Variants in XYLB observed in about 807,000 individuals in gnomAD.
XYLB encodes the protein xylulokinase, also known as xylulose kinase.
In XYLB, 62 loss-of-function variants were observed where a neutral mutation model predicts 78.7. The ratio of observed to expected loss-of-function variants is 0.79; its 90% CI spans 0.64 to 0.97. XYLB has a LOEUF of 0.97. XYLB is among the 50% of genes least tolerant of loss of function. The probability of loss-of-function intolerance (pLI) is 0.00; values close to 1 mark genes in which losing one functional copy is unlikely to be tolerated. For missense variants in XYLB, 687 were observed against 676.8 expected (o/e 1.02, Z -0.17); for synonymous variants, 245 against 247.4 (o/e 0.99, Z 0.09).
chr3:38,447,470 A>ATTTTTTTTTTTTTTT, the XYLB span, among the ~76,000 whole-genome samples: 3 of 124,948 alleles, frequency 2.4e-5, no homozygotes, highest in African/African-American at 3.5e-5. Context: ...CATCTGGCTA[A>ATTTTTTTTTTTTTTT]TTTTTTTTTT....
At chr3:38,358,934 C>T (rs1337538024) in intron 2 of XYLB, among the ~76,000 whole-genome samples, 1 of 152,078 alleles carries the variant, frequency 6.6e-6, no homozygotes, top group Admixed American at 6.5e-5. Context: ...GTTTATATCA[C>T]CCCCCAAAAG....
Position 38,372,720 on chromosome 3 carries a change from C to T in XYLB, c.831C>T (p.Phe277=), listed in dbSNP as rs745342955. Residue 277 remains phenylalanine, a synonymous_variant, in exon 10 of 19, where the codon TTC becomes TTT. Transcript: ENST00000207870. The part of the protein sequence containing the change: ...GFPPGCKVVA[F]TGDNPASLAG... Reference sequence around the variant, plus strand: ...CTCCAGGATGCAAAGTGGTGGCCTTCACTGGGGACAACCCAGGTGAGTATC... The same window carrying T: ...CTCCAGGATGCAAAGTGGTGGCCTTTACTGGGGACAACCCAGGTGAGTATC... The T allele has an allele frequency of 1.9e-6, 3 of 1,614,166 alleles. No homozygotes were observed. The highest frequency in any genetic ancestry group is 1.7e-5 in the Admixed American group (1 of 60,018).
In XYLB at chr3:38,372,709, G is replaced by T; in HGVS notation, c.820G>T (p.Val274Leu). ...CTACGGATTTCCTCCAGGATGCAAA[G>T]TGGTGGCCTTCACTGGGGACAACCC... ...QRYGFPPGCK[V>L]VAFTGDNPAS... Residue 274 changes from valine (V) to leucine (L), a missense_variant, in exon 10 of 19, where the codon GTG becomes TTG. Val to Leu is a conservative substitution (Grantham distance 32). Transcript: ENST00000207870. The T allele has an allele frequency of 6.2e-7, 1 of 1,614,168 alleles. No homozygotes were observed. The highest frequency in any genetic ancestry group is 1.3e-5 in the African/African-American group (1 of 75,030).
chr3:38,395,660 T>C (rs1012786053), intron 16 of XYLB, 97 bp downstream of exon 16: 1 of 1,311,692 alleles, frequency 7.6e-7, no homozygotes, highest in Non-Finnish European at 1.1e-6. Context: ...CCATTCCCAC[T>C]CCTGCAGGAA....
chr3:38,376,623 C>G lies in XYLB; in HGVS notation c.1121-295C>G, dbSNP rs535036660. On this transcript the variant is annotated intron_variant, in intron 13 of 18. Coordinates refer to ENST00000207870, the MANE Select transcript of XYLB (RefSeq NM_005108.4). ...CTGAGCAGGGAGGGTCTGTGCCTCC[C>G]TTGGTCAAACCTGTTTTGATATTTT... is the stretch of plus-strand genomic sequence containing the variant. 1.9e-3 allele frequency among the ~76,000 whole-genome samples: 288 copies of G among 152,302 alleles called. 1 individual carries two copies. Among genetic ancestry groups the G allele is most frequent in the African/African-American group, 6.6e-3 (276 of 41,566 alleles).
At chr3:38,402,239 A>G (rs951972113) in intron 18 of XYLB, among the ~76,000 whole-genome samples, 13 of 152,322 alleles carry the variant, frequency 8.5e-5, no homozygotes, top group South Asian at 4.1e-4. Context: ...CAAAGGAGAC[A>G]TTATCCTTTT....
In XYLB at chr3:38,414,311, T is replaced by C. The variant is rs1371277797; in HGVS notation, c.*1298T>C. The stretch of plus-strand genomic sequence containing the variant: ...GATGGAGATGAAGCCATCTTGAAAG[T>C]GAGTGGTGTCCTTTGGAGGCATGGT... On this transcript the variant is annotated 3_prime_UTR_variant, in exon 19 of 19. Transcript: ENST00000207870. The C allele has an allele frequency of 6.6e-6, 1 of 151,876 alleles. No individual in the cohort carries two copies. Among genetic ancestry groups the C allele is most frequent in the African/African-American group, 2.4e-5 (1 of 41,302 alleles). 9.4% of individuals were successfully genotyped at this position (151,876 alleles called of 1,614,324 possible).
intron 15 of XYLB, among the ~76,000 whole-genome samples, chr3:38,381,946 G>T (rs932011349): frequency 6.6e-6 from 1 of 151,956 alleles, no homozygotes; most frequent in African/African-American, 2.4e-5. Flanking sequence ...ACACCTATTC[G>T]CACACTCCCT....
In XYLB at chr3:38,365,282, G is replaced by T. The variant is rs704943; in HGVS notation, c.375G>T (p.Leu125=). ...CAGACCTCCGGCTACACCAGCAGCTGCAGGTAACTGTGGCTACGTTGTGTG... is the reference window on the plus strand; with the variant it reads ...CAGACCTCCGGCTACACCAGCAGCTTCAGGTAACTGTGGCTACGTTGTGTG... ...LSPDLRLHQQ[L]QDCFSISDCP... is the part of the protein sequence containing the mutation. The change falls in exon 5 of 19, where the codon CTG becomes CTT. Residue 125 remains leucine (L), a synonymous_variant. Coordinates refer to ENST00000207870, the MANE Select transcript of XYLB (RefSeq NM_005108.4). The T allele has an allele frequency of 0.94, 1,513,020 of 1,614,024 alleles. 711,066 individuals carry two copies. The highest frequency in any genetic ancestry group is 1 in the East Asian group (44,879 of 44,884).
downstream of XYLB, among the ~76,000 whole-genome samples, chr3:38,416,640 A>G (rs2125688009): frequency 6.6e-6 from 1 of 152,354 alleles, no homozygotes; most frequent in Non-Finnish European, 1.5e-5. Context: ...GGGCAAAAAT[A>G]GACCAGACAA....
At chr3:38,446,068 G>A in the XYLB span, among the ~76,000 whole-genome samples, 15 of 152,284 alleles carry the variant, frequency 9.9e-5, no homozygotes, top group African/African-American at 3.6e-4. Flanking sequence ...AAGATTTATT[G>A]TGAAGAGTGA....
At chr3:38,411,150 A>T (rs1311293654) in intron 18 of XYLB, among the ~76,000 whole-genome samples, 1 of 152,224 alleles carries the variant, frequency 6.6e-6, no homozygotes, top group African/African-American at 2.4e-5. Flanking sequence ...ACAATGATAG[A>T]CTAGATTAAG....
chr3:38,428,662 A>G, the XYLB span, among the ~76,000 whole-genome samples: 1 of 152,114 alleles, frequency 6.6e-6, no homozygotes, highest in Non-Finnish European at 1.5e-5. Context: ...TTTGCATGTT[A>G]TATGTTTCTT....
chr3:38,348,523 C>T (rs369300101), intron 1 of XYLB, 27 bp from the exon 2 acceptor site: 55 of 1,611,958 alleles, frequency 3.4e-5, no homozygotes, highest in Non-Finnish European at 1.1e-5. Flanking sequence ...GAAAATTCTA[C>T]ACTTCCTTTT....
chr3:38,423,620 C>T (rs533465246), downstream of XYLB, among the ~76,000 whole-genome samples: 7 of 152,300 alleles, frequency 4.6e-5, no homozygotes, highest in East Asian at 1.9e-4. Context: ...GCCTGCTTAG[C>T]GTTTTCATTG....
At chr3:38,392,522 C>G (rs996033472) in intron 15 of XYLB, among the ~76,000 whole-genome samples, 2 of 152,118 alleles carry the variant, frequency 1.3e-5, no homozygotes, top group Non-Finnish European at 1.5e-5. Context: ...ATCTCAAACT[C>G]CTGACCTCAG....
At chr3:38,393,046 A>G (rs1455660189) in intron 15 of XYLB, among the ~76,000 whole-genome samples, 2 of 152,218 alleles carry the variant, frequency 1.3e-5, no homozygotes, top group Admixed American at 1.3e-4. Flanking sequence ...TTTTCCAAAC[A>G]CTATTTACTA....
intron 10 of XYLB, among the ~76,000 whole-genome samples, chr3:38,374,256 T>C (rs1706727404): frequency 6.6e-6 from 1 of 152,126 alleles, no homozygotes; most frequent in African/African-American, 2.4e-5. Flanking sequence ...TCAGCGGCCC[T>C]GCTAACAGAG....
At chr3:38,374,567 GT>G in intron 11 of XYLB, 65 bp downstream of exon 11, 8 of 1,602,228 alleles carry the variant, frequency 5.0e-6, no homozygotes, top group Non-Finnish European at 6.8e-6. Flanking sequence ...ACTCTGATAA[GT>G]AGCAGAGGTG....
Sources: gnomAD v4.1 joint callset for allele counts (sites outside exome capture counted in the v4.1 genomes callset) on GRCh38, gnomAD v4.1.1 for gene constraint, MANE v1.5 for transcripts, NCBI Gene and HGNC (gene_info 2026-07-23, HGNC 2026-07-21) for gene names.